The following NPHP4 variants were observed in gnomAD, a reference collection of about 807,000 sequenced individuals.
NPHP4 encodes nephrocystin-4.
NPHP4 carries 151 observed loss-of-function variants against 155.8 expected under a neutral mutation model. That is an observed-to-expected ratio of 0.97 (90% CI 0.85 to 1.11). NPHP4 has a LOEUF of 1.11. NPHP4 is among the 50% of genes least tolerant of loss of function. NPHP4 has a pLI of 0.00. For synonymous variants in NPHP4, 845 were observed against 816.8 expected (o/e 1.03, Z -0.59); for missense variants, 1,956 against 1,925.7 (o/e 1.02, Z -0.29).
intron 6 of NPHP4, 119 bp from the exon 7 acceptor site, chr1:5,952,955 G>A (rs1648465313): frequency 3.4e-6 from 3 of 875,316 alleles, no homozygotes; most frequent in Non-Finnish European, 5.2e-6. Flanking sequence ...AGGGTGCTCG[G>A]GACTCCCAGA....
chr1:5,898,605 G>A (rs949031477), intron 16 of NPHP4, among the ~76,000 whole-genome samples: 1 of 152,226 alleles, frequency 6.6e-6, no homozygotes, highest in African/African-American at 2.4e-5. Flanking sequence ...GCAAAGGCCT[G>A]GGAAGCTGGA....
At chr1:5,875,225 C>T in intron 20 of NPHP4, 125 bp from the exon 21 acceptor site, 1 of 763,872 alleles carries the variant, frequency 1.3e-6, no homozygotes, top group East Asian at 2.7e-5. Context: ...TCGCCACCAC[C>T]ACCCCCTTCC....
chr1:5,977,846 G>A (rs1413603872), intron 3 of NPHP4, among the ~76,000 whole-genome samples: 3 of 3,494 alleles, frequency 8.6e-4, no homozygotes, highest in Admixed American at 3.9e-3. Context: ...AGGAGGGAGG[G>A]AAGAAAGGAA....
At chr1:5,879,703 G>C (rs908786680) in intron 19 of NPHP4, 4 of 470,664 alleles carry the variant, frequency 8.5e-6, no homozygotes, top group Non-Finnish European at 1.3e-5. Context: ...ATCTAGCCAG[G>C]GCACCGAGCT....
At chr1:5,863,468 C>A (rs1640850431) in intron 29 of NPHP4, 63 bp from the exon 30 acceptor site, 3 of 1,571,878 alleles carry the variant, frequency 1.9e-6, no homozygotes, top group Admixed American at 1.7e-5. Flanking sequence ...TCACCAGCAA[C>A]CTCTCTGCAT....
rs562699783 is a variant in NPHP4, at chr1:5,863,235, T to G, written c.*30A>C. 1 of 1,612,894 alleles carries G rather than the reference T, an allele frequency of 6.2e-7. No individual in the cohort carries two copies. Among genetic ancestry groups the G allele is most frequent in the Middle Eastern group, 1.7e-4 (1 of 5,776 alleles). On this transcript the variant is annotated 3_prime_UTR_variant, in exon 30 of 30. Transcript: ENST00000378156. ...GGGGCACAGACAGGCCCCAGCTGGG[T>G]GCCGCAGGAAGGACGTCACCCTCAA...
intron 9 of NPHP4, among the ~76,000 whole-genome samples, chr1:5,943,978 G>T (rs1426588776): frequency 6.6e-6 from 1 of 152,062 alleles, no homozygotes; most frequent in Non-Finnish European, 1.5e-5. Context: ...TGGGTGCAGG[G>T]AGCGCACCAC....
intron 7 of NPHP4, among the ~76,000 whole-genome samples, chr1:5,950,446 T>C (rs552318370): frequency 7.0e-4 from 106 of 152,168 alleles, no homozygotes; most frequent in Non-Finnish European, 1.4e-3. Context: ...CAAACCCTCA[T>C]GGTAAAGGAT....
At chr1:5,863,429 A>G (rs1173406532) in intron 29 of NPHP4, 24 bp from the exon 30 acceptor site, 1 of 1,610,836 alleles carries the variant, frequency 6.2e-7, no homozygotes, top group Non-Finnish European at 8.5e-7. Context: ...TCCAAATCCC[A>G]GCATCCACCC....
chr1:5,967,640 G>A (rs1651777355), intron 4 of NPHP4, among the ~76,000 whole-genome samples: 1 of 152,182 alleles, frequency 6.6e-6, no homozygotes, highest in Admixed American at 6.5e-5. Flanking sequence ...ACAAAACTCT[G>A]AAATGTCTCA....
chr1:5,933,095 T>C (rs1646360270), intron 10 of NPHP4, 52 bp downstream of exon 10: 2 of 1,371,338 alleles, frequency 1.5e-6, no homozygotes, highest in Non-Finnish European at 2.0e-6. Flanking sequence ...TGAAAATGAA[T>C]GAACTTGCTA....
In NPHP4 at chr1:5,887,447, C is replaced by T. The variant is rs1034438971; in HGVS notation, c.2324G>A (p.Arg775Gln). The change falls in exon 18 of 30, where the codon CGG becomes CAG. Residue 775 changes from arginine to glutamine, a missense_variant. Physicochemically the swap from Arg to Gln is conservative, Grantham distance 43. Coordinates refer to ENST00000378156, the MANE Select transcript of NPHP4 (RefSeq NM_015102.5). ...CTCGTGGGAGGCCTGCACAGCCGGC[C>T]GGCCTTGGCGGAGGAGATGCTGCAG... ...VQMKHLLRQG[R>Q]PAVQASHELE... 9 of 1,613,192 alleles carry T rather than the reference C, an allele frequency of 5.6e-6. No individual in the cohort carries two copies. The highest frequency in any genetic ancestry group is 3.3e-4 in the Middle Eastern group (2 of 6,062).
chr1:5,863,445 C>T (rs375617182), intron 29 of NPHP4, 40 bp from the exon 30 acceptor site: 40 of 1,604,188 alleles, frequency 2.5e-5, no homozygotes, highest in Non-Finnish European at 3.3e-5. Flanking sequence ...CACCCCCGGG[C>T]TGTCCCACGC....
At chr1:5,927,871 TGCCCTAAAACAA>T in intron 10 of NPHP4, 84 bp from the exon 11 acceptor site, 1 of 1,430,822 alleles carries the variant, frequency 7.0e-7, no homozygotes, top group Non-Finnish European at 9.6e-7. Context: ...CAGCAGGCTC[TGCCCTAAAACAA>T]AGTCTACGTG....
chr1:5,885,939 G>T (rs1246728483), intron 18 of NPHP4, among the ~76,000 whole-genome samples: 6 of 152,164 alleles, frequency 3.9e-5, no homozygotes, highest in Non-Finnish European at 8.8e-5. Context: ...CGTCAGCGCC[G>T]GAGTCTCCCA....
chr1:5,932,503 C>A (rs1646327628), intron 10 of NPHP4, among the ~76,000 whole-genome samples: 1 of 152,164 alleles, frequency 6.6e-6, no homozygotes, highest in African/African-American at 2.4e-5. Flanking sequence ...GGGTTTCGCA[C>A]TGTCTGTGGT....
intron 1 of NPHP4, among the ~76,000 whole-genome samples, chr1:5,991,901 G>A (rs1363911940): frequency 8.9e-5 from 12 of 135,204 alleles, no homozygotes; most frequent in Non-Finnish European, 1.6e-5. Flanking sequence ...GCTCCCTTCA[G>A]CCGAGGGGCT....
intron 18 of NPHP4, among the ~76,000 whole-genome samples, chr1:5,883,392 C>T (rs1416774621): frequency 2.6e-5 from 4 of 152,336 alleles, no homozygotes; most frequent in Non-Finnish European, 4.4e-5. Flanking sequence ...ACGCTGCCCT[C>T]CACATGATGG....
chr1:5,929,775 A>T (rs1274814902), intron 10 of NPHP4, among the ~76,000 whole-genome samples: 1 of 151,966 alleles, frequency 6.6e-6, no homozygotes, highest in Non-Finnish European at 1.5e-5. Context: ...TGTTATTATT[A>T]ATATTATTTT....
Sources: gnomAD v4.1 joint callset for allele counts (sites outside exome capture counted in the v4.1 genomes callset) on GRCh38, gnomAD v4.1.1 for gene constraint, MANE v1.5 for transcripts, NCBI Gene and HGNC (gene_info 2026-07-23, HGNC 2026-07-21) for gene names.